RASAL2: variants seen among roughly 807,000 people sequenced by gnomAD.
RASAL2 encodes the protein ras GTPase-activating protein nGAP.
Under a neutral mutation model 128.9 loss-of-function variants are expected in RASAL2, and 58 were observed. The ratio of observed to expected loss-of-function variants is 0.45; its 90% CI spans 0.36 to 0.56. The LOEUF is 0.56. Among genes scored for constraint, RASAL2 ranks in the 20% least tolerant of loss-of-function variants. RASAL2 has a pLI of 0.00. For missense variants in RASAL2, 1,360 were observed against 1,601.6 expected (o/e 0.85, Z 2.57); for synonymous variants, 561 against 580.8 (o/e 0.97, Z 0.49).
chr1:178,364,778 T>A (rs1403707111), intron 3 of RASAL2, among the ~76,000 whole-genome samples: 1 of 152,174 alleles, frequency 6.6e-6, no homozygotes, highest in Non-Finnish European at 1.5e-5. Flanking sequence ...GTATATACTA[T>A]GAGTAAAATG....
rs61682167 is a variant in RASAL2, at chr1:178,434,751, C to CT, written c.675-4660dup. Among the ~76,000 whole-genome samples the CT allele has an allele frequency of 4.1e-3, 595 of 145,512 alleles. 3 individuals are homozygous for CT. Among genetic ancestry groups the CT allele is most frequent in the African/African-American group, 7.2e-3 (286 of 39,912 alleles). ...AGCTCTGGCGAATGAGCTCTAATTTCTTTTTTTTTTTAATCCAGGGAGGAA... is the reference window on the plus strand; with the variant it reads ...AGCTCTGGCGAATGAGCTCTAATTTCTTTTTTTTTTTTAATCCAGGGAGGAA... On this transcript the variant is annotated intron_variant, in intron 5 of 17. Coordinates refer to ENST00000367649, the MANE Select transcript of RASAL2 (RefSeq NM_170692.4).
At chr1:178,122,471 GA>G (rs1659752337) in intron 1 of RASAL2, among the ~76,000 whole-genome samples, 1 of 152,266 alleles carries the variant, frequency 6.6e-6, no homozygotes, top group South Asian at 2.1e-4. Flanking sequence ...GAGGTGTTCA[GA>G]CTATAGTAGG....
chr1:178,173,367 A>G (rs1661770992), intron 1 of RASAL2, among the ~76,000 whole-genome samples: 1 of 152,072 alleles, frequency 6.6e-6, no homozygotes, highest in South Asian at 2.1e-4. Context: ...TTTGTCATAG[A>G]ATGCACAGAA....
At chr1:178,206,521 G>C (rs1480768064) in intron 1 of RASAL2, among the ~76,000 whole-genome samples, 3 of 152,144 alleles carry the variant, frequency 2.0e-5, no homozygotes, top group African/African-American at 7.2e-5. Flanking sequence ...AAATATAGTT[G>C]CATGGCTAAT....
intron 3 of RASAL2, among the ~76,000 whole-genome samples, chr1:178,356,986 T>G (rs1389492434): frequency 6.6e-6 from 1 of 152,140 alleles, no homozygotes; most frequent in Non-Finnish European, 1.5e-5. Flanking sequence ...ATAGTTGGAG[T>G]GTTTTTGTTT....
intron 1 of RASAL2, among the ~76,000 whole-genome samples, chr1:178,114,022 G>GCAACATTTT (rs1659437468): frequency 6.6e-6 from 1 of 151,092 alleles, no homozygotes; most frequent in Non-Finnish European, 1.5e-5. Flanking sequence ...TTTTTATCTT[G>GCAACATTTT]TACCCTGCAA....
At chr1:178,422,181 ATTTC>A (rs1032135279) in intron 5 of RASAL2, among the ~76,000 whole-genome samples, 2 of 151,880 alleles carry the variant, frequency 1.3e-5, no homozygotes, top group Non-Finnish European at 2.9e-5. Flanking sequence ...TACCTTCTTT[ATTTC>A]AAACAAAGGG....
intron 1 of RASAL2, among the ~76,000 whole-genome samples, chr1:178,198,099 T>C (rs190738439): frequency 1.4e-4 from 22 of 152,368 alleles, no homozygotes; most frequent in African/African-American, 5.0e-4. Flanking sequence ...CAGTCTATCA[T>C]TGATGGACAT....
intron 1 of RASAL2, among the ~76,000 whole-genome samples, chr1:178,264,323 A>G (rs1041348486): frequency 3.3e-5 from 5 of 152,334 alleles, no homozygotes; most frequent in Admixed American, 6.5e-5. Flanking sequence ...TAAATAACTC[A>G]TGTATTCACG....
At chr1:178,267,525 G>T (rs1571742743) in intron 1 of RASAL2, among the ~76,000 whole-genome samples, 2 of 135,680 alleles carry the variant, frequency 1.5e-5, no homozygotes, top group Admixed American at 7.3e-5. Flanking sequence ...TGTTTGTTTA[G>T]TTTTCTTATT....
At chr1:178,181,862 A>G (rs527689572) in intron 1 of RASAL2, among the ~76,000 whole-genome samples, 29 of 151,958 alleles carry the variant, frequency 1.9e-4, no homozygotes, top group Non-Finnish European at 2.4e-4. Flanking sequence ...TTTTCATTAC[A>G]TCATGTCAAG....
intron 1 of RASAL2, among the ~76,000 whole-genome samples, chr1:178,166,427 GAT>G (rs1661516100): frequency 6.6e-6 from 1 of 152,122 alleles, no homozygotes; most frequent in African/African-American, 2.4e-5. Flanking sequence ...GCATCCTTAT[GAT>G]ATACCCAAAG....
At chr1:178,407,848 G>T (rs1237110263) in intron 4 of RASAL2, among the ~76,000 whole-genome samples, 2 of 152,322 alleles carry the variant, frequency 1.3e-5, no homozygotes, top group East Asian at 1.9e-4. Flanking sequence ...CCCCACGGAG[G>T]CTTCTGAGAG....
At chr1:178,314,043 T>C (rs1375900144) in intron 3 of RASAL2, among the ~76,000 whole-genome samples, 1 of 152,228 alleles carries the variant, frequency 6.6e-6, no homozygotes, top group Admixed American at 6.5e-5. Flanking sequence ...GAACAAGTTT[T>C]CTGCAGACCA....
chr1:178,218,125 C>T (rs769608223), intron 1 of RASAL2, among the ~76,000 whole-genome samples: 1 of 151,984 alleles, frequency 6.6e-6, no homozygotes, highest in Non-Finnish European at 1.5e-5. Flanking sequence ...TTCCTATTCT[C>T]TTGCTATTTC....
At chr1:178,342,086 T>A (rs919380382) in intron 3 of RASAL2, among the ~76,000 whole-genome samples, 6 of 152,162 alleles carry the variant, frequency 3.9e-5, no homozygotes, top group African/African-American at 9.7e-5. Context: ...GTTTAACAGG[T>A]TTGATCCATA....
At chr1:178,157,921 C>T (rs1299000058) in intron 1 of RASAL2, among the ~76,000 whole-genome samples, 1 of 151,940 alleles carries the variant, frequency 6.6e-6, no homozygotes, top group Non-Finnish European at 1.5e-5. Context: ...TGGTTTCAAC[C>T]CTACACATCT....
chr1:178,244,435 G>A (rs562999932), intron 1 of RASAL2, among the ~76,000 whole-genome samples: 3 of 152,036 alleles, frequency 2.0e-5, no homozygotes, highest in African/African-American at 4.8e-5. Flanking sequence ...TAGAGATGGG[G>A]TTTCACCATA....
chr1:178,124,134 C>T (rs116143308), intron 1 of RASAL2, among the ~76,000 whole-genome samples: 1,602 of 152,194 alleles, frequency 0.011, 23 homozygotes, highest in Non-Finnish European at 0.014. Context: ...GGGCTTTGGG[C>T]ATAAAATTTG....
Sources: gnomAD v4.1 joint callset for allele counts (sites outside exome capture counted in the v4.1 genomes callset) on GRCh38, gnomAD v4.1.1 for gene constraint, MANE v1.5 for transcripts, NCBI Gene and HGNC (gene_info 2026-07-23, HGNC 2026-07-21) for gene names.